The following NID2 variants were observed in gnomAD, a reference collection of about 807,000 sequenced individuals.
NID2 encodes the protein nidogen 2.
In NID2, 83 loss-of-function variants were observed where a neutral mutation model predicts 145.4. That is an observed-to-expected ratio of 0.57 (90% CI 0.48 to 0.69). The LOEUF (loss-of-function observed/expected upper bound fraction) is 0.69, where lower values mean the gene tolerates loss of function less well. Ranked by LOEUF, NID2 falls within the 30% of genes least tolerant of loss-of-function variation. NID2 has a pLI of 0.00. For synonymous variants in NID2, 739 were observed against 701.3 expected (o/e 1.05, Z -0.85); for missense variants, 1,807 against 1,765.7 (o/e 1.02, Z -0.42).
intron 8 of NID2, among the ~76,000 whole-genome samples, 155 bp from the exon 9 acceptor site, chr14:52,039,132 A>G (rs772956425): frequency 1.3e-5 from 2 of 152,218 alleles, no homozygotes; most frequent in Non-Finnish European, 2.9e-5. Flanking sequence ...GGAAATCCCA[A>G]AAACCTGAGT....
chr14:52,018,090 T>G (rs2140358695), intron 14 of NID2, among the ~76,000 whole-genome samples: 1 of 152,344 alleles, frequency 6.6e-6, no homozygotes, highest in South Asian at 2.1e-4. Flanking sequence ...GTGCTGGGAT[T>G]ACAGGCATGA....
At chr14:52,040,341 G>A (rs181133548) in intron 8 of NID2, among the ~76,000 whole-genome samples, 1 of 151,628 alleles carries the variant, frequency 6.6e-6, no homozygotes, top group African/African-American at 2.4e-5. Flanking sequence ...TTTCCATGTT[G>A]CAGAAAGTAG....
At position 52,015,091 on chromosome 14, in the gene NID2, C is replaced by T; in HGVS notation, c.3213G>A (p.Val1071=). The T allele has an allele frequency of 6.2e-7, 1 of 1,614,080 alleles. No individual in the cohort carries two copies. Among genetic ancestry groups the T allele is most frequent in the Non-Finnish European group, 8.5e-7 (1 of 1,179,994 alleles). Residue 1071 remains valine, a synonymous_variant, in exon 15 of 22, where the codon GTG becomes GTA. Transcript: ENST00000216286. ...TGCCTGGCTGGGAGCGGGTGCCCTG[C>T]ACCTCTCTGCCATCTTTGTCCACAC... ...CWCVDKDGRE[V]QGTRSQPGTT...
At chr14:52,028,559 C>G in intron 11 of NID2, 163 bp downstream of exon 11, 6 of 740,864 alleles carry the variant, frequency 8.1e-6, no homozygotes, top group Non-Finnish European at 1.2e-5. Flanking sequence ...CAGGCGTGAG[C>G]CACCACATCC....
At chr14:52,020,390 C>A in intron 12 of NID2, 1 of 617,930 alleles carries the variant, frequency 1.6e-6, no homozygotes, top group Non-Finnish European at 2.6e-6. Flanking sequence ...TGAGTTAACA[C>A]ACTAGACTAA....
At chr14:52,056,225 T>TA (rs1160616191) in intron 3 of NID2, among the ~76,000 whole-genome samples, 1 of 152,108 alleles carries the variant, frequency 6.6e-6, no homozygotes, top group Admixed American at 6.5e-5. Flanking sequence ...ACAGAAACTA[T>TA]AAAATCTTCA....
chr14:52,052,092 C>T (rs186004126), intron 5 of NID2, among the ~76,000 whole-genome samples: 8 of 152,302 alleles, frequency 5.3e-5, no homozygotes, highest in African/African-American at 1.7e-4. Context: ...TTCAGGAATG[C>T]GTCTTTACCT....
intron 2 of NID2, among the ~76,000 whole-genome samples, chr14:52,064,539 C>A (rs3783627): frequency 0.41 from 62,928 of 152,096 alleles, 14,935 homozygotes; most frequent in African/African-American, 0.64. Context: ...TAATCCATTC[C>A]TGAGGGCAGA....
rs1380743725 is a variant in NID2, at chr14:52,067,894, G to A, written c.498C>T (p.Tyr166=). Reference sequence around the variant, plus strand: ...GCAGCGCCCCGCGCTTGACCTCCTCGTAAGCGCCTACCTGCTCCCAGGTGG... The same window carrying A: ...GCAGCGCCCCGCGCTTGACCTCCTCATAAGCGCCTACCTGCTCCCAGGTGG... ...FLATWEQVGA[Y]EEVKRGALPS... Residue 166 remains tyrosine, a synonymous_variant, in exon 2 of 22, where the codon TAC becomes TAT. Coordinates refer to ENST00000216286, the MANE Select transcript of NID2 (RefSeq NM_007361.4). The A allele has an allele frequency of 4.3e-6, 7 of 1,612,858 alleles. No homozygotes were observed. In the East Asian group the frequency reaches 1.1e-4, roughly 26 times the overall value.
intron 3 of NID2, among the ~76,000 whole-genome samples, chr14:52,055,177 G>A (rs1892805897): frequency 6.6e-6 from 1 of 152,122 alleles, no homozygotes; most frequent in Non-Finnish European, 1.5e-5. Context: ...GCTTTAAAAG[G>A]CTAACTGATC....
chr14:52,046,650 G>A (rs1892507229), intron 5 of NID2, among the ~76,000 whole-genome samples: 1 of 152,180 alleles, frequency 6.6e-6, no homozygotes, highest in South Asian at 2.1e-4. Flanking sequence ...TAGATTGGAA[G>A]CTGTACTACA....
chr14:52,013,749 C>CA (rs1229430903), intron 16 of NID2, among the ~76,000 whole-genome samples: 1 of 152,006 alleles, frequency 6.6e-6, no homozygotes, highest in Admixed American at 6.6e-5. Flanking sequence ...ACACACTCCT[C>CA]AAGTTTTCAT....
chr14:52,040,303 A>G (rs1276739486), intron 8 of NID2, among the ~76,000 whole-genome samples: 1 of 151,830 alleles, frequency 6.6e-6, no homozygotes, highest in Non-Finnish European at 1.5e-5. Context: ...CAAGGTTGAG[A>G]TAAATATAAA....
At chr14:52,052,677 T>C (rs1892715461) in intron 5 of NID2, among the ~76,000 whole-genome samples, 1 of 152,222 alleles carries the variant, frequency 6.6e-6, no homozygotes, top group Admixed American at 6.5e-5. Context: ...AGGTCAGCCA[T>C]GTTTTTGCCA....
rs184151693 is a variant in NID2 at position 52,007,798 on chromosome 14, C to T, written c.3880+12G>A. The T allele has an allele frequency of 7.0e-3, 11,219 of 1,609,910 alleles. 42 individuals carry two copies. Among genetic ancestry groups the T allele is most frequent in the Non-Finnish European group, 8.3e-3 (9,752 of 1,177,502 alleles). On this transcript the variant is annotated intron_variant, in intron 19 of 21. Coordinates refer to ENST00000216286, the MANE Select transcript of NID2 (RefSeq NM_007361.4). ...GAGAGGTTATCTATTTGCATTCCAT[C>T]AGTAGTATTACCTGCATCTGCCCAG...
rs1394256460 is a variant in NID2 at position 52,060,350 on chromosome 14, T to C, written c.541A>G (p.Thr181Ala). ...RGALPSGELN[T>A]FQAVLASDGS... is the part of the protein sequence containing the mutation. ...TCAGATGCCAAAACTGCCTGGAAAG[T>C]GTTCAGCTGTGAGGAAAAAAAAAAA... Residue 181 changes from threonine (T) to alanine (A), a missense_variant, in exon 3 of 22, where the codon ACT becomes GCT. Transcript: ENST00000216286. The C allele has an allele frequency of 1.4e-6, 2 of 1,452,956 alleles. No homozygotes were observed. Among genetic ancestry groups the C allele is most frequent in the African/African-American group, 3.1e-5 (2 of 64,078 alleles). The allele number at this position is 1,452,956 out of a possible 1,614,324, so 90.0% of individuals were successfully genotyped here. A position where few individuals can be genotyped will look rare whatever the true frequency, so the allele number is the denominator to read the frequency against.
chr14:52,043,827 C>T (rs372443390), intron 5 of NID2, among the ~76,000 whole-genome samples: 2 of 152,096 alleles, frequency 1.3e-5, no homozygotes, highest in Non-Finnish European at 2.9e-5. Flanking sequence ...GTGCTTTCTC[C>T]GGGGCACTAG....
chr14:52,011,610 G>A lies in NID2; in HGVS notation c.3494C>T (p.Thr1165Ile). 6.2e-7 allele frequency: 1 copy of A among 1,614,192 alleles called. No individual in the cohort carries two copies. Among genetic ancestry groups the A allele is most frequent in the Non-Finnish European group, 8.5e-7 (1 of 1,180,016 alleles). The stretch of plus-strand genomic sequence containing the variant: ...CAGTTCCAGACCAGCACGGCTGATT[G>A]TCCGTCCAGCAACATCTGTCCAGTA... ...MVYWTDVAGRTISRAGLELGA... is the reference protein window; with the variant it reads ...MVYWTDVAGRIISRAGLELGA... The change falls in exon 17 of 22, where the codon ACA (threonine) becomes ATA (isoleucine). Residue 1165 changes from threonine (T) to isoleucine (I), a missense_variant. Coordinates refer to ENST00000216286, the MANE Select transcript of NID2 (RefSeq NM_007361.4).
intron 5 of NID2, among the ~76,000 whole-genome samples, chr14:52,046,430 T>A (rs1892498107): frequency 6.6e-6 from 1 of 152,140 alleles, no homozygotes; most frequent in Non-Finnish European, 1.5e-5. Context: ...GCTTGGATTG[T>A]ATCTTATTTC....
Sources: allele counts gnomAD v4.1 joint callset (sites outside exome capture counted in the v4.1 genomes callset), GRCh38; gene constraint gnomAD v4.1.1; transcripts MANE v1.5; gene names NCBI Gene and HGNC (gene_info 2026-07-23, HGNC 2026-07-21).